PTPRD: variants seen among roughly 807,000 people sequenced by gnomAD.
PTPRD encodes protein tyrosine phosphatase receptor type D, also known as receptor-type tyrosine-protein phosphatase delta.
PTPRD carries 34 observed loss-of-function variants against 214.5 expected under a neutral mutation model. The observed-to-expected ratio is 0.16, with a 90% CI of 0.12 to 0.21. The LOEUF (loss-of-function observed/expected upper bound fraction) is 0.21, where lower values mean the gene tolerates loss of function less well. PTPRD is among the 10% of genes least tolerant of loss of function. PTPRD has a pLI of 1.00. For missense variants in PTPRD, 2,545 were observed against 2,398.7 expected (o/e 1.06, Z -1.27); for synonymous variants, 1,128 against 845.7 (o/e 1.33, Z -5.79).
intron 8 of PTPRD, among the ~76,000 whole-genome samples, chr9:9,548,720 C>T (rs1033504001): frequency 2.6e-5 from 4 of 151,686 alleles, no homozygotes; most frequent in Non-Finnish European, 5.9e-5. Context: ...GATGGAGTGC[C>T]GTATTAGACA....
intron 4 of PTPRD, among the ~76,000 whole-genome samples, chr9:9,963,106 G>C (rs944898360): frequency 4.6e-5 from 7 of 151,938 alleles, no homozygotes; most frequent in African/African-American, 1.5e-4. Context: ...TTAGTAACAA[G>C]TTTAGTAGAA....
At chr9:9,530,774 C>A (rs938289256) in intron 8 of PTPRD, among the ~76,000 whole-genome samples, 6 of 151,978 alleles carry the variant, frequency 3.9e-5, no homozygotes, top group Non-Finnish European at 8.8e-5. Flanking sequence ...GTGAAATAAT[C>A]CAGGCACAGA....
intron 3 of PTPRD, among the ~76,000 whole-genome samples, chr9:10,193,458 A>C (rs2099383455): frequency 6.6e-6 from 1 of 152,104 alleles, no homozygotes; most frequent in South Asian, 2.1e-4. Flanking sequence ...AGTTAAATAA[A>C]GTACTAGCAT....
At chr9:9,851,986 C>T (rs1012472808) in intron 5 of PTPRD, among the ~76,000 whole-genome samples, 21 of 152,090 alleles carry the variant, frequency 1.4e-4, no homozygotes, top group East Asian at 9.7e-4. Context: ...GTGAAGTCCC[C>T]GATTTCAGAT....
chr9:9,756,035 T>G (rs112518426), intron 6 of PTPRD, among the ~76,000 whole-genome samples: 1 of 152,012 alleles, frequency 6.6e-6, no homozygotes, highest in Non-Finnish European at 1.5e-5. Flanking sequence ...AATTCTTATA[T>G]TGAAGAAATG....
At chr9:9,814,522 C>A (rs1050254805) in intron 5 of PTPRD, among the ~76,000 whole-genome samples, 1 of 152,032 alleles carries the variant, frequency 6.6e-6, no homozygotes, top group African/African-American at 2.4e-5. Context: ...ATTAAGAAAA[C>A]AATCCCATTT....
chr9:9,967,060 A>G (rs2094755327), intron 4 of PTPRD, among the ~76,000 whole-genome samples: 1 of 152,158 alleles, frequency 6.6e-6, no homozygotes, highest in African/African-American at 2.4e-5. Flanking sequence ...CATGTCTCCA[A>G]TGGCTGAGAA....
chr9:10,243,061 A>G (rs2091422766), intron 3 of PTPRD, among the ~76,000 whole-genome samples: 1 of 152,014 alleles, frequency 6.6e-6, no homozygotes, highest in Non-Finnish European at 1.5e-5. Flanking sequence ...TGATTTACAC[A>G]GCCTGAGGCA....
chr9:8,971,586 C>G (rs1236786346), intron 11 of PTPRD, among the ~76,000 whole-genome samples: 1 of 151,608 alleles, frequency 6.6e-6, no homozygotes, highest in Admixed American at 6.6e-5. Context: ...TGAACATGAT[C>G]TATAATTACA....
At chr9:10,370,887 CT>C (rs1461150421) in intron 2 of PTPRD, among the ~76,000 whole-genome samples, 1 of 151,968 alleles carries the variant, frequency 6.6e-6, no homozygotes, top group African/African-American at 2.4e-5. Context: ...ATCCTCACCC[CT>C]GGTCTGAGTG....
At chr9:10,309,881 A>T (rs2096218768) in intron 3 of PTPRD, among the ~76,000 whole-genome samples, 1 of 152,090 alleles carries the variant, frequency 6.6e-6, no homozygotes, top group Non-Finnish European at 1.5e-5. Context: ...TTTTTGGACA[A>T]CATTTGTGTT....
intron 9 of PTPRD, among the ~76,000 whole-genome samples, chr9:9,226,246 C>G (rs1047936164): frequency 2.0e-5 from 3 of 151,584 alleles, no homozygotes; most frequent in Non-Finnish European, 4.4e-5. Context: ...TGGTCTGTTT[C>G]TCTGTGCAAA....
At chr9:10,208,287 GGC>G (rs2099494742) in intron 3 of PTPRD, among the ~76,000 whole-genome samples, 1 of 152,214 alleles carries the variant, frequency 6.6e-6, no homozygotes, top group South Asian at 2.1e-4. Flanking sequence ...GGCCGAGGAG[GGC>G]GGATCACGAG....
intron 10 of PTPRD, among the ~76,000 whole-genome samples, chr9:9,125,280 A>G (rs1215065099): frequency 6.6e-6 from 1 of 152,158 alleles, no homozygotes; most frequent in Admixed American, 6.5e-5. Context: ...ACTTCCTGTC[A>G]TGGGAGCACC....
intron 3 of PTPRD, among the ~76,000 whole-genome samples, chr9:10,218,181 T>C (rs1230378158): frequency 4.0e-5 from 6 of 151,866 alleles, no homozygotes; most frequent in African/African-American, 4.8e-5. Context: ...TGTTCTTTCT[T>C]ACGAATAGCG....
At chr9:10,061,041 C>G (rs1238629926) in intron 3 of PTPRD, among the ~76,000 whole-genome samples, 2 of 150,902 alleles carry the variant, frequency 1.3e-5, no homozygotes, top group Non-Finnish European at 2.9e-5. Flanking sequence ...CTGACTATCT[C>G]TCAGAACATG....
chr9:10,354,791 T>C (rs2097245594), intron 2 of PTPRD, among the ~76,000 whole-genome samples: 1 of 152,162 alleles, frequency 6.6e-6, no homozygotes, highest in African/African-American at 2.4e-5. Context: ...GCATGGGAAA[T>C]GCATCTGACA....
At chr9:9,081,210 G>C (rs892900111) in intron 10 of PTPRD, among the ~76,000 whole-genome samples, 2 of 152,012 alleles carry the variant, frequency 1.3e-5, no homozygotes, top group African/African-American at 4.8e-5. Flanking sequence ...GTTCTCATTG[G>C]TTTTAAATAA....
At chr9:9,822,509 A>C (rs976392712) in intron 5 of PTPRD, among the ~76,000 whole-genome samples, 1 of 148,206 alleles carries the variant, frequency 6.7e-6, no homozygotes, top group Non-Finnish European at 1.5e-5. Flanking sequence ...TATATATGTA[A>C]TATATACATA....
Sources: allele counts gnomAD v4.1 joint callset (sites outside exome capture counted in the v4.1 genomes callset), GRCh38; gene constraint gnomAD v4.1.1; transcripts MANE v1.5; gene names NCBI Gene and HGNC (gene_info 2026-07-23, HGNC 2026-07-21).